The following CHL1 variants were observed in gnomAD, a reference collection of about 807,000 sequenced individuals.
CHL1 encodes cell adhesion molecule L1 like.
In CHL1, 96 loss-of-function variants were observed where a neutral mutation model predicts 141.9. The ratio of observed to expected loss-of-function variants is 0.68; its 90% confidence interval spans 0.57 to 0.80. The LOEUF is 0.80. CHL1 is among the 30% of genes least tolerant of loss of function. The pLI, the probability that CHL1 is intolerant of heterozygous loss-of-function variation, is 0.00. For synonymous variants in CHL1, 613 were observed against 502.2 expected, an observed-to-expected ratio of 1.22 and a Z score of -2.95; for missense variants, 1,820 against 1,457.2, an observed-to-expected ratio of 1.25 and a Z score of -4.05.
chr3:363,077 T>C, intron 13 of CHL1, 140 bp from the exon 14 acceptor site: 1 of 664,628 alleles, frequency 1.5e-6, no homozygotes, highest in Non-Finnish European at 2.5e-6. Context: ...TTGAGAAAAA[T>C]ATGAAACCCA....
At chr3:318,970 T>C (rs566773304) in intron 2 of CHL1, among the ~76,000 whole-genome samples, 68 of 151,772 alleles carry the variant, frequency 4.5e-4, no homozygotes, top group African/African-American at 1.5e-3. Context: ...CATGGAATAC[T>C]ACACAGCCAT....
intron 2 of CHL1, among the ~76,000 whole-genome samples, chr3:280,011 A>T (rs116486722): frequency 0.018 from 2,718 of 152,218 alleles, 91 homozygotes; most frequent in African/African-American, 0.062. Context: ...TTAACTGCTG[A>T]TTATGGTTAT....
At chr3:302,565 T>C (rs1186117956) in intron 2 of CHL1, among the ~76,000 whole-genome samples, 1 of 152,250 alleles carries the variant, frequency 6.6e-6, no homozygotes, top group Non-Finnish European at 1.5e-5. Flanking sequence ...TGTCTGTTCA[T>C]ATCCTTTGCC....
At chr3:257,333 CCTTTTCTT>C (rs1286649055) in intron 2 of CHL1, among the ~76,000 whole-genome samples, 4 of 151,426 alleles carry the variant, frequency 2.6e-5, no homozygotes, top group Admixed American at 1.3e-4. Flanking sequence ...AACACCATCT[CCTTTTCTT>C]CTTTTCTTCT....
rs116493607 is a variant in CHL1, at chr3:231,322, G to A, written c.-174-13291G>A. Among the ~76,000 whole-genome samples the A allele has an allele frequency of 7.1e-3, 1,077 of 151,138 alleles. 6 individuals are homozygous for A. Among genetic ancestry groups the A allele is most frequent in the Non-Finnish European group, 0.011 (751 of 67,816 alleles). On this transcript the variant is annotated intron_variant, in intron 1 of 27. Transcript: ENST00000256509. Reference sequence around the variant, plus strand: ...CTCCTTCCTCTCCTCTCTTTTTTACGTTAACACCACCACCCTCATCATTAC... The same window carrying A: ...CTCCTTCCTCTCCTCTCTTTTTTACATTAACACCACCACCCTCATCATTAC...
chr3:291,849 T>A (rs1223658124), intron 2 of CHL1, among the ~76,000 whole-genome samples: 1 of 152,194 alleles, frequency 6.6e-6, no homozygotes, highest in Non-Finnish European at 1.5e-5. Flanking sequence ...GATTTTAAAA[T>A]CCTGCTGACT....
intron 2 of CHL1, among the ~76,000 whole-genome samples, chr3:313,548 T>C (rs1699917825): frequency 6.6e-6 from 1 of 152,166 alleles, no homozygotes; most frequent in African/African-American, 2.4e-5. Context: ...CATGACATCA[T>C]GACTGTTAGG....
At chr3:214,346 C>CA (rs1036012411) in intron 1 of CHL1, among the ~76,000 whole-genome samples, 1 of 151,560 alleles carries the variant, frequency 6.6e-6, no homozygotes, top group Non-Finnish European at 1.5e-5. Context: ...GCATGTGAAA[C>CA]AAAAAAAGAG....
intron 15 of CHL1, among the ~76,000 whole-genome samples, chr3:370,891 A>G (rs1173643579): frequency 3.3e-5 from 5 of 152,070 alleles, no homozygotes; most frequent in Admixed American, 6.6e-5. Flanking sequence ...AAGTTTATCA[A>G]TTTCCATGTA....
chr3:382,641 C>T lies in CHL1; in HGVS notation c.2146C>T (p.Pro716Ser), dbSNP rs901998801. The change falls in exon 18 of 28, where the codon CCG (proline) becomes TCG (serine). Residue 716 changes from proline (P) to serine (S), a missense_variant. Pro to Ser is a moderately conservative substitution (Grantham distance 74, BLOSUM62 -1). Coordinates refer to ENST00000256509, the MANE Select transcript of CHL1 (RefSeq NM_006614.4). The part of the protein sequence containing the change: ...NEVGRSQPSQ[P>S]SDHHETPPAA... The stretch of plus-strand genomic sequence containing the variant: ...AGTAGGGAGAAGTCAGCCTAGCCAG[C>T]CGTCAGACCATCATGAAACACCACC... 39 of 1,613,586 alleles carry T rather than the reference C, an allele frequency of 2.4e-5. No individual in the cohort carries two copies. The highest frequency in any genetic ancestry group is 3.1e-5 in the Non-Finnish European group (37 of 1,179,800).
chr3:227,479 C>T (rs956891438), intron 1 of CHL1, among the ~76,000 whole-genome samples: 1 of 152,146 alleles, frequency 6.6e-6, no homozygotes, highest in African/African-American at 2.4e-5. Flanking sequence ...AAAATGAGGA[C>T]TATCAGGCTC....
At chr3:239,081 T>A (rs1692285840) in intron 1 of CHL1, among the ~76,000 whole-genome samples, 1 of 152,076 alleles carries the variant, frequency 6.6e-6, no homozygotes, top group Non-Finnish European at 1.5e-5. Flanking sequence ...TCCTGATGGC[T>A]GAGTTGAGTG....
chr3:230,127 C>G (rs1046040492), intron 1 of CHL1, among the ~76,000 whole-genome samples: 1 of 152,194 alleles, frequency 6.6e-6, no homozygotes, highest in African/African-American at 2.4e-5. Context: ...GTTACCAGAG[C>G]TTCAAAAAGG....
At chr3:394,969 T>A in intron 24 of CHL1, 97 bp downstream of exon 24, 1 of 1,018,190 alleles carries the variant, frequency 9.8e-7, no homozygotes, top group East Asian at 2.7e-5. Flanking sequence ...TGCCAGTCAT[T>A]GTAAATTAGA....
intron 2 of CHL1, among the ~76,000 whole-genome samples, chr3:283,830 C>T (rs1426952446): frequency 6.6e-6 from 1 of 152,130 alleles, no homozygotes; most frequent in Admixed American, 6.5e-5. Flanking sequence ...GGGAAAAATC[C>T]CTCTCCTCCA....
chr3:397,194 T>C (rs903917374), intron 24 of CHL1, among the ~76,000 whole-genome samples: 1 of 152,180 alleles, frequency 6.6e-6, no homozygotes, highest in African/African-American at 2.4e-5. Flanking sequence ...TACTTAATGT[T>C]ATACTAATAT....
At chr3:366,605 A>C (rs755378383) in intron 15 of CHL1, among the ~76,000 whole-genome samples, 7 of 152,000 alleles carry the variant, frequency 4.6e-5, no homozygotes, top group Non-Finnish European at 8.8e-5. Context: ...TTTTCATGTA[A>C]CATGTACCAT....
At position 377,936 on chromosome 3, in the gene CHL1, G is replaced by A. The variant is rs878969226; in HGVS notation, c.1870G>A (p.Val624Ile). Residue 624 changes from valine (V) to isoleucine (I), a missense_variant, in exon 16 of 28, where the codon GTT (valine) becomes ATT (isoleucine). Val to Ile is a conservative substitution (Grantham distance 29). Transcript: ENST00000256509. ...DSAADITQVT[V>I]LDVPDPPENL... The stretch of plus-strand genomic sequence containing the variant: ...TGCTGCCGATATAACTCAAGTAACT[G>A]TTCTTGGTAAGTGCACTAACTAATG... 2.5e-6 allele frequency: 4 copies of A among 1,603,844 alleles called. No individual in the cohort carries two copies. The highest frequency in any genetic ancestry group is 2.7e-5 in the African/African-American group (2 of 73,172).
At chr3:231,722 G>A (rs1438019752) in intron 1 of CHL1, among the ~76,000 whole-genome samples, 3 of 151,640 alleles carry the variant, frequency 2.0e-5, no homozygotes, top group African/African-American at 7.3e-5. Flanking sequence ...GATTACAGGT[G>A]CCTGCCACCA....
Sources: allele counts gnomAD v4.1 joint callset (sites outside exome capture counted in the v4.1 genomes callset), GRCh38; gene constraint gnomAD v4.1.1; transcripts MANE v1.5; gene names NCBI Gene and HGNC (gene_info 2026-07-23, HGNC 2026-07-21).